PEX7: variants seen among roughly 807,000 people sequenced by gnomAD.
PEX7 encodes the protein peroxisomal biogenesis factor 7, also known as PTS2 receptor.
In PEX7, 34 loss-of-function variants were observed where a neutral mutation model predicts 47.5. That is an observed-to-expected ratio of 0.72 (90% CI 0.54 to 0.95). The LOEUF (loss-of-function observed/expected upper bound fraction) is 0.95. Ranked by LOEUF, PEX7 falls within the 40% of genes least tolerant of loss-of-function variation. The probability of loss-of-function intolerance (pLI) is 0.00; values close to 1 mark genes in which losing one functional copy is unlikely to be tolerated. For missense variants in PEX7, 394 were observed against 400.3 expected (o/e 0.98, Z 0.13); for synonymous variants, 141 against 148.8 (o/e 0.95, Z 0.38).
intron 8 of PEX7, among the ~76,000 whole-genome samples, chr6:136,886,337 T>G (rs892495988): frequency 1.3e-5 from 2 of 152,194 alleles, no homozygotes; most frequent in African/African-American, 4.8e-5. Flanking sequence ...TGAGTCATAC[T>G]TGAAGTGAAA....
intron 5 of PEX7, among the ~76,000 whole-genome samples, chr6:136,865,672 G>A (rs376798199): frequency 2.0e-4 from 31 of 152,288 alleles, no homozygotes; most frequent in African/African-American, 7.0e-4. Context: ...CAGCTACTTG[G>A]GGGGCTGAAG....
rs1042934016 is a variant in PEX7, at chr6:136,872,069, G to C, written c.748-129G>C. On this transcript the variant is annotated intron_variant, in intron 7 of 9. Transcript: ENST00000318471. ...ATTATAGCATATATGCTTTGAAAAA[G>C]CATAATTTTAAGTGACAGCTCTGAC... is the stretch of plus-strand genomic sequence containing the variant. 8 of 785,386 alleles carry C rather than the reference G, an allele frequency of 1.0e-5. No homozygotes were observed. In the African/African-American group the frequency reaches 1.4e-4, roughly 14 times the overall value. The allele number at this position is 785,386 out of a possible 1,614,324, so 48.7% of individuals were successfully genotyped here.
chr6:136,826,740 A>G (rs1406846611), intron 3 of PEX7, among the ~76,000 whole-genome samples: 1 of 152,102 alleles, frequency 6.6e-6, no homozygotes, highest in African/African-American at 2.4e-5. Flanking sequence ...TCCTCCTGAG[A>G]GGCCCATCAC....
chr6:136,878,401 T>C (rs1346409772), intron 8 of PEX7, among the ~76,000 whole-genome samples: 4 of 152,202 alleles, frequency 2.6e-5, no homozygotes, highest in Non-Finnish European at 5.9e-5. Context: ...AAGGGAATGG[T>C]TCCAGCTCTT....
At chr6:136,829,276 T>C (rs1774251014) in intron 3 of PEX7, among the ~76,000 whole-genome samples, 1 of 152,232 alleles carries the variant, frequency 6.6e-6, no homozygotes, top group African/African-American at 2.4e-5. Flanking sequence ...TTCTTACTAT[T>C]CTGGAGGTTG....
intron 5 of PEX7, among the ~76,000 whole-genome samples, chr6:136,860,161 G>C (rs568337191): frequency 2.0e-5 from 3 of 152,156 alleles, no homozygotes; most frequent in Non-Finnish European, 4.4e-5. Flanking sequence ...CAGTTGTCTA[G>C]AAAATTCAAT....
intron 8 of PEX7, among the ~76,000 whole-genome samples, chr6:136,883,083 C>T (rs1042068079): frequency 4.6e-5 from 7 of 152,102 alleles, no homozygotes; most frequent in Non-Finnish European, 7.4e-5. Flanking sequence ...ATTATGACTT[C>T]TTGGCAATCA....
intron 7 of PEX7, 104 bp downstream of exon 7, chr6:136,870,107 A>G: frequency 2.9e-6 from 2 of 700,082 alleles, no homozygotes; most frequent in Non-Finnish European, 4.6e-6. Context: ...GGAGTTACTA[A>G]TTCTTTTTTA....
chr6:136,894,842 A>C (rs140630922), intron 8 of PEX7, among the ~76,000 whole-genome samples: 1 of 152,376 alleles, frequency 6.6e-6, no homozygotes, highest in African/African-American at 2.4e-5. Context: ...GCAAAGAGAC[A>C]AAAAGGCACC....
At chr6:136,876,503 C>A (rs1183792966) in intron 8 of PEX7, among the ~76,000 whole-genome samples, 1 of 152,164 alleles carries the variant, frequency 6.6e-6, no homozygotes, top group Non-Finnish European at 1.5e-5. Context: ...CCCCACCCCC[C>A]AAAAGGCCCC....
intron 5 of PEX7, among the ~76,000 whole-genome samples, chr6:136,852,513 A>C (rs1774777661): frequency 2.7e-5 from 1 of 37,642 alleles, no homozygotes; most frequent in Non-Finnish European, 5.4e-5. Context: ...TTATACACCA[A>C]CAACAGACAA....
chr6:136,853,162 G>A (rs1042916971), intron 5 of PEX7, among the ~76,000 whole-genome samples: 21 of 152,208 alleles, frequency 1.4e-4, no homozygotes, highest in Non-Finnish European at 2.4e-4. Flanking sequence ...AGCTACGCCC[G>A]TTTATTAACA....
Position 136,850,497 on chromosome 6 carries a change from C to T in PEX7, c.526+4316C>T, listed in dbSNP as rs147971362. Among the ~76,000 whole-genome samples, 22 of 152,212 alleles carry T rather than the reference C, an allele frequency of 1.4e-4. No homozygotes were observed. In the East Asian group the frequency reaches 3.1e-3, roughly 21 times the overall value. On this transcript the variant is annotated intron_variant, in intron 5 of 9. Coordinates refer to ENST00000318471, the MANE Select transcript of PEX7 (RefSeq NM_000288.4). Reference sequence around the variant, plus strand: ...GGCATGTTTTTGCAGTGGCTGGTACCGATTATTCCTTTCCATGTTTAGGAC... The same window carrying T: ...GGCATGTTTTTGCAGTGGCTGGTACTGATTATTCCTTTCCATGTTTAGGAC...
At chr6:136,829,597 A>G (rs138396412) in intron 3 of PEX7, among the ~76,000 whole-genome samples, 1,754 of 152,316 alleles carry the variant, frequency 0.012, 46 homozygotes, top group African/African-American at 0.04. Flanking sequence ...AAAGGATTTA[A>G]GCTCAAATGA....
intron 9 of PEX7, among the ~76,000 whole-genome samples, chr6:136,899,383 C>T (rs1426298063): frequency 6.6e-6 from 1 of 152,116 alleles, no homozygotes; most frequent in Non-Finnish European, 1.5e-5. Context: ...GCTGGGATTA[C>T]AGGCACATGC....
chr6:136,857,057 T>G (rs1774873827), intron 5 of PEX7, among the ~76,000 whole-genome samples: 1 of 152,228 alleles, frequency 6.6e-6, no homozygotes, highest in Non-Finnish European at 1.5e-5. Context: ...GATTCAAAGT[T>G]CTTCTTCCAC....
intron 8 of PEX7, among the ~76,000 whole-genome samples, chr6:136,877,925 C>T (rs1775304856): frequency 6.6e-6 from 1 of 152,154 alleles, no homozygotes; most frequent in Non-Finnish European, 1.5e-5. Context: ...ATTGATTCTT[C>T]CTATCCATGA....
intron 7 of PEX7, 64 bp from the exon 8 acceptor site, chr6:136,872,134 G>GA: frequency 7.7e-7 from 1 of 1,291,728 alleles, no homozygotes; most frequent in Non-Finnish European, 1.1e-6. Context: ...AATGATCATA[G>GA]AAAGCAGTGT....
In PEX7 at chr6:136,844,238, C is replaced by A. The variant is rs374261209; in HGVS notation, c.340-1377C>A. ...AAAAAATTAGCTGGGTGTGGTGGCA[C>A]GCAAGCGTGACTCCAGCTACTTAGG... On this transcript the variant is annotated intron_variant, in intron 3 of 9. Transcript: ENST00000318471. Among the ~76,000 whole-genome samples the A allele has an allele frequency of 2.4e-4, 37 of 152,104 alleles. 4 individuals carry two copies. Among genetic ancestry groups the A allele is most frequent in the Admixed American group, 9.8e-4 (15 of 15,280 alleles).
Sources: allele counts gnomAD v4.1 joint callset (sites outside exome capture counted in the v4.1 genomes callset), GRCh38; gene constraint gnomAD v4.1.1; transcripts MANE v1.5; gene names NCBI Gene and HGNC (gene_info 2026-07-23, HGNC 2026-07-21).